Variants in C15orf61 observed in about 807,000 individuals in gnomAD.
C15orf61 encodes chromosome 15 open reading frame 61, also known as uncharacterized protein C15orf61.
In C15orf61, 12 loss-of-function variants were observed where a neutral mutation model predicts 13.7. That is an observed-to-expected ratio of 0.88 (90% CI 0.56 to 1.42). C15orf61 has a LOEUF of 1.42. Among genes scored for constraint, C15orf61 ranks in the 40% most tolerant of loss-of-function variants. The pLI is 0.00. For synonymous variants in C15orf61, 92 were observed against 94.1 expected (o/e 0.98, Z 0.13); for missense variants, 248 against 213.2 (o/e 1.16, Z -1.02).
At position 67,521,337 on chromosome 15, in the gene C15orf61, C is replaced by T. The variant is rs988791311; in HGVS notation, c.89C>T (p.Pro30Leu). The change falls in exon 1 of 2, where the codon CCC (proline) becomes CTC (leucine). Residue 30 changes from proline to leucine, a missense_variant. Coordinates refer to ENST00000342683, the MANE Select transcript of C15orf61 (RefSeq NM_001143936.2). ...TCGCGCGCCGCCGCCCGCCCCAAGC[C>T]CAGCGCCTCGGAGGTGCTGACGCGG... ...WASRAAARPK[P>L]SASEVLTRHL... 2.0e-5 allele frequency: 30 copies of T among 1,534,148 alleles called. No homozygotes were observed. The African/African-American group carries it at 3.6e-4, about 18-fold the overall frequency.
chr15:67,528,622 C>G lies in C15orf61; in HGVS notation c.*2077C>G, dbSNP rs2084211627. The G allele has an allele frequency of 1.3e-5, 2 of 152,150 alleles. No homozygotes were observed. The highest frequency in any genetic ancestry group is 2.9e-5 in the Non-Finnish European group (2 of 68,028). 9.4% of individuals were successfully genotyped at this position (152,150 alleles called of 1,614,324 possible). A position where few individuals can be genotyped will look rare whatever the true frequency, so the allele number is the denominator to read the frequency against. ...TGAACAGCAATGGTTTAAGTTTTTT[C>G]TTTAAAGCTGCATATTACACCAAAG... On this transcript the variant is annotated 3_prime_UTR_variant, in exon 2 of 2. Transcript: ENST00000342683.
At chr15:67,521,798 T>C (rs951875740) in intron 1 of C15orf61, 2 of 638,202 alleles carry the variant, frequency 3.1e-6, no homozygotes, top group African/African-American at 3.7e-5. Flanking sequence ...CCCGAAGCCG[T>C]TCGCCTGCTG....
chr15:67,523,851 AACAG>A (rs755463034), intron 1 of C15orf61, among the ~76,000 whole-genome samples: 112 of 152,168 alleles, frequency 7.4e-4, no homozygotes, highest in Non-Finnish European at 1.1e-3. Flanking sequence ...GCATTAAATA[AACAG>A]ACAGCAAGGG....
At chr15:67,521,899 AG>A in intron 1 of C15orf61, 1 of 663,162 alleles carries the variant, frequency 1.5e-6, no homozygotes, top group South Asian at 1.6e-5. Flanking sequence ...GCAGTAAGCC[AG>A]GGGGCGTCAG....
In C15orf61 at chr15:67,521,514, A is replaced by G. The variant is rs1205507423; in HGVS notation, c.266A>G (p.Lys89Arg). ...VLRTGCFPFI[K>R]YHCSKAPWQD... ...CGCACCGGCTGCTTCCCCTTCATCA[A>G]GTACCACTGCTCCAAGGCTCCCTGG... Residue 89 changes from lysine (K) to arginine (R), a missense_variant, in exon 1 of 2, where the codon AAG becomes AGG. Lys to Arg is a conservative substitution (Grantham distance 26). Coordinates refer to ENST00000342683, the MANE Select transcript of C15orf61 (RefSeq NM_001143936.2). 2 of 1,548,368 alleles carry G rather than the reference A, an allele frequency of 1.3e-6. No homozygotes were observed. Among genetic ancestry groups the G allele is most frequent in the Non-Finnish European group, 1.7e-6 (2 of 1,146,706 alleles).
At chr15:67,521,618 C>G (rs1197395704) in intron 1 of C15orf61, 24 bp downstream of exon 1, 1 of 1,481,876 alleles carries the variant, frequency 6.7e-7, no homozygotes. Flanking sequence ...GCCGCGCCCA[C>G]GCGGTGAAGC....
At position 67,525,148 on chromosome 15, in the gene C15orf61, A is replaced by G. The variant is rs898452550; in HGVS notation, c.347-1270A>G. The stretch of plus-strand genomic sequence containing the variant: ...ACAGTGCCCAGCCGCGTTCTTTATT[A>G]CTAGAAAGAAAGTGATTTTCCAAAT... On this transcript the variant is annotated intron_variant, in intron 1 of 1. Coordinates refer to ENST00000342683, the MANE Select transcript of C15orf61 (RefSeq NM_001143936.2). The surrounding 1 kb of genome is among the most constrained non-coding windows in gnomAD (Gnocchi z 4.9). Among the ~76,000 whole-genome samples, 1 of 152,080 alleles carries G rather than the reference A, an allele frequency of 6.6e-6. No homozygotes were observed. Among genetic ancestry groups the G allele is most frequent in the African/African-American group, 2.4e-5 (1 of 41,416 alleles).
rs1240018518 is a variant in C15orf61, at chr15:67,526,434, A to G, written c.363A>G (p.Leu121=). 5 of 1,529,442 alleles carry G rather than the reference A, an allele frequency of 3.3e-6. No individual in the cohort carries two copies. The highest frequency in any genetic ancestry group is 1.4e-5 in the African/African-American group (1 of 72,540). 94.7% of individuals were successfully genotyped at this position (1,529,442 alleles called of 1,614,324 possible). The part of the protein sequence containing the change: ...KVVNLGIPTL[L]YGLGSWLFAR... Reference sequence around the variant, plus strand: ...GTTTTCTAGGTATTCCAACTTTATTATATGGACTTGGCTCCTGGTTATTTG... The same window carrying G: ...GTTTTCTAGGTATTCCAACTTTATTGTATGGACTTGGCTCCTGGTTATTTG... The change falls in exon 2 of 2, where the codon TTA becomes TTG. Residue 121 remains leucine (L), a synonymous_variant. Coordinates refer to ENST00000342683, the MANE Select transcript of C15orf61 (RefSeq NM_001143936.2).
rs1270396826 is a variant in C15orf61 at position 67,521,432 on chromosome 15, C to T, written c.184C>T (p.Gln62Ter). 6 of 1,546,856 alleles carry T rather than the reference C, an allele frequency of 3.9e-6. No homozygotes were observed. Among genetic ancestry groups the T allele is most frequent in the African/African-American group, 1.4e-5 (1 of 73,172 alleles). ...GCCCTACAGCGCCGTCCGCAACGAC[C>T]AGTTCGGCCTCTCGCACTTCAACTG... ...CVPYSAVRND[Q>*]FGLSHFNWPV... The change falls in exon 1 of 2, where the codon CAG becomes TAG. Residue 62 changes from glutamine (Q) to a stop codon, truncating the protein, a stop_gained. Coordinates refer to ENST00000342683, the MANE Select transcript of C15orf61 (RefSeq NM_001143936.2). LOFTEE classifies it high-confidence loss of function.
rs1269133280 is a variant in C15orf61 at position 67,521,493 on chromosome 15, C to T, written c.245C>T (p.Thr82Ile). The T allele has an allele frequency of 6.5e-7, 1 of 1,548,390 alleles. No individual in the cohort carries two copies. Among genetic ancestry groups the T allele is most frequent in the Admixed American group, 2.0e-5 (1 of 50,986 alleles). ...VQGANYHVLR[T>I]GCFPFIKYHC... ...GGCGCCAACTACCACGTCCTGCGCA[C>T]CGGCTGCTTCCCCTTCATCAAGTAC... is the stretch of plus-strand genomic sequence containing the variant. Residue 82 changes from threonine to isoleucine, a missense_variant, in exon 1 of 2, where the codon ACC (threonine) becomes ATC (isoleucine). Thr to Ile is a moderately conservative substitution (Grantham distance 89, BLOSUM62 -1). Coordinates refer to ENST00000342683, the MANE Select transcript of C15orf61 (RefSeq NM_001143936.2).
intron 1 of C15orf61, among the ~76,000 whole-genome samples, chr15:67,524,684 A>G (rs138831477): frequency 1.8e-4 from 27 of 152,312 alleles, no homozygotes; most frequent in African/African-American, 6.5e-4. Flanking sequence ...CTCTGGCATC[A>G]CAGTGGCTGG....
rs756192121 is a variant in C15orf61 at position 67,525,889 on chromosome 15, C to T, written c.347-529C>T. Among the ~76,000 whole-genome samples, 1 of 152,140 alleles carries T rather than the reference C, an allele frequency of 6.6e-6. No homozygotes were observed. Among genetic ancestry groups the T allele is most frequent in the Non-Finnish European group, 1.5e-5 (1 of 68,016 alleles). Reference sequence around the variant, plus strand: ...ATTATCTGAGCGTGGTGGCGCGCGCCTGTAGTCCCAGCTACTCAGGAGGCT... The same window carrying T: ...ATTATCTGAGCGTGGTGGCGCGCGCTTGTAGTCCCAGCTACTCAGGAGGCT... On this transcript the variant is annotated intron_variant, in intron 1 of 1. Transcript: ENST00000342683. The surrounding 1 kb of genome is among the most constrained non-coding windows in gnomAD (Gnocchi z 4.9).
rs2084209372 is a variant in C15orf61 at position 67,528,225 on chromosome 15, T to C, written c.*1680T>C. The C allele has an allele frequency of 3.9e-5, 6 of 152,340 alleles. No homozygotes were observed. In the South Asian group the frequency reaches 1.2e-3, roughly 32 times the overall value. 9.4% of individuals were successfully genotyped at this position (152,340 alleles called of 1,614,324 possible). On this transcript the variant is annotated 3_prime_UTR_variant, in exon 2 of 2. Transcript: ENST00000342683. ...CACTGGCCTGTTTGATTTCTGATAA[T>C]TTGTACTGCTGACTCTGCTTACCTG...
intron 1 of C15orf61, 51 bp downstream of exon 1, chr15:67,521,645 G>A: frequency 1.4e-6 from 2 of 1,402,838 alleles, no homozygotes; most frequent in Non-Finnish European, 1.9e-6. Context: ...GGCCGGGACG[G>A]CCCCTCAGCC....
chr15:67,524,585 T>C (rs1938032502), intron 1 of C15orf61, among the ~76,000 whole-genome samples: 1 of 152,138 alleles, frequency 6.6e-6, no homozygotes. Context: ...ACCCAGTATA[T>C]TCCTAAAAAT....
intron 1 of C15orf61, chr15:67,522,026 C>G: frequency 1.4e-6 from 1 of 699,630 alleles, no homozygotes; most frequent in Non-Finnish European, 2.6e-6. Context: ...TGGAACTACT[C>G]TTTTAAGTTT....
Position 67,527,266 on chromosome 15 carries a change from T to C in C15orf61, c.*721T>C, listed in dbSNP as rs1264950356. The C allele has an allele frequency of 1.3e-5, 2 of 152,210 alleles. No homozygotes were observed. Among genetic ancestry groups the C allele is most frequent in the East Asian group, 1.9e-4 (1 of 5,206 alleles). The allele number at this position is 152,210 out of a possible 1,614,324, so 9.4% of individuals were successfully genotyped here. A position where few individuals can be genotyped will look rare whatever the true frequency, so the allele number is the denominator to read the frequency against. On this transcript the variant is annotated 3_prime_UTR_variant, in exon 2 of 2. Transcript: ENST00000342683. ...GAACAATTAAGATCTTCTAGAAAGA[T>C]GCAGAAAAATAAATTTGGTAACTGT...
rs1344868477 is a variant in C15orf61 at position 67,525,906 on chromosome 15, C to T, written c.347-512C>T. Among the ~76,000 whole-genome samples, 1 of 152,104 alleles carries T rather than the reference C, an allele frequency of 6.6e-6. No individual in the cohort carries two copies. ...GCGCGCGCCTGTAGTCCCAGCTACT[C>T]AGGAGGCTGAGGCAGGAGAATCGCT... On this transcript the variant is annotated intron_variant, in intron 1 of 1. Coordinates refer to ENST00000342683, the MANE Select transcript of C15orf61 (RefSeq NM_001143936.2). This position sits in a 1 kb window ranked among gnomAD's most constrained non-coding sequence, Gnocchi z 4.9.
intron 1 of C15orf61, 114 bp downstream of exon 1, chr15:67,521,708 T>C (rs1395464332): frequency 1.0e-5 from 11 of 1,101,880 alleles, no homozygotes; most frequent in African/African-American, 3.2e-5. Context: ...GGGAGTCAGC[T>C]CTGCCTCCCG....
Sources: gnomAD v4.1 joint callset for allele counts (sites outside exome capture counted in the v4.1 genomes callset) on GRCh38, gnomAD v4.1.1 for gene constraint, Gnocchi (gnomAD v3.1) non-coding constraint, MANE v1.5 for transcripts, NCBI Gene and HGNC (gene_info 2026-07-23, HGNC 2026-07-21) for gene names.